The following RNF14 variants were observed in gnomAD, a reference collection of about 807,000 sequenced individuals.
RNF14 encodes ring finger protein 14, also known as E3 ubiquitin-protein ligase RNF14.
RNF14 carries 26 observed loss-of-function variants against 52.6 expected under a neutral mutation model. The observed-to-expected ratio is 0.49, with a 90% confidence interval of 0.36 to 0.69. The LOEUF (loss-of-function observed/expected upper bound fraction) is 0.69. RNF14 is among the 30% of genes least tolerant of loss of function. The pLI, the probability that RNF14 is intolerant of heterozygous loss-of-function variation, is 0.00. For missense variants in RNF14, 404 were observed against 560.4 expected (o/e 0.72, Z 2.82); for synonymous variants, 194 against 202.0 (o/e 0.96, Z 0.34).
At chr5:141,961,587 G>C (rs1753275768) in intron 1 of RNF14, among the ~76,000 whole-genome samples, 1 of 152,156 alleles carries the variant, frequency 6.6e-6, no homozygotes, top group African/African-American at 2.4e-5. Context: ...CTCTGAAATA[G>C]GTTTGAAACA....
At position 141,983,476 on chromosome 5, in the gene RNF14, C is replaced by T. The variant is rs1211845327; in HGVS notation, c.1160C>T (p.Ala387Val). ...QRYGKRVIQK[A>V]LEEMESKEWL... ...TATGGTAAGAGAGTGATTCAGAAGG[C>T]ACTGGAAGAGATGGAAAGTAAGGAG... The change falls in exon 7 of 9, where the codon GCA (alanine) becomes GTA (valine). Residue 387 changes from alanine to valine, a missense_variant. Physicochemically the swap from Ala to Val is moderately conservative, Grantham distance 64. Transcript: ENST00000394520. 3 of 1,613,390 alleles carry T rather than the reference C, an allele frequency of 1.9e-6. No individual in the cohort carries two copies. Among genetic ancestry groups the T allele is most frequent in the Non-Finnish European group, 2.5e-6 (3 of 1,179,918 alleles).
intron 4 of RNF14, among the ~76,000 whole-genome samples, chr5:141,976,063 A>G (rs1317092334): frequency 6.6e-6 from 1 of 152,240 alleles, no homozygotes; most frequent in Non-Finnish European, 1.5e-5. Flanking sequence ...GAGTACTTTC[A>G]CAAACTAGAG....
upstream of RNF14, chr5:141,955,055 G>A (rs755272537): frequency 7.4e-6 from 12 of 1,614,112 alleles, no homozygotes; most frequent in Non-Finnish European, 9.3e-6. The surrounding 1 kb of genome is among the most constrained non-coding windows in gnomAD (Gnocchi z 5.5). Flanking sequence ...ACCAGGCTCC[G>A]CAGGATCTGA....
upstream of RNF14, among the ~76,000 whole-genome samples, chr5:141,967,617 A>G (rs1237366979): frequency 6.6e-6 from 1 of 152,178 alleles, no homozygotes; most frequent in Non-Finnish European, 1.5e-5. Flanking sequence ...CCGGGAGGCA[A>G]TGGTGGTAAA....
chr5:141,981,862 AAAG>A (rs1265353319), intron 6 of RNF14, among the ~76,000 whole-genome samples: 2 of 151,856 alleles, frequency 1.3e-5, no homozygotes, highest in Non-Finnish European at 1.5e-5. Context: ...AAAAAAAAAA[AAAG>A]AGGAAAAAGA....
Position 141,989,357 on chromosome 5 carries a change from A to G in RNF14, c.*1567A>G, listed in dbSNP as rs771189729. 6.6e-6 allele frequency: 1 copy of G among 152,238 alleles called. No individual in the cohort carries two copies. The highest frequency in any genetic ancestry group is 1.5e-5 in the Non-Finnish European group (1 of 68,042). The allele number at this position is 152,238 out of a possible 1,614,324, so 9.4% of individuals were successfully genotyped here. A position where few individuals can be genotyped will look rare whatever the true frequency, so the allele number is the denominator to read the frequency against. Reference sequence around the variant, plus strand: ...TTAGGGCCCATATTTTGTTTAAACCAGATAGTTTCATGGTCTTCCATTCAG... The same window carrying G: ...TTAGGGCCCATATTTTGTTTAAACCGGATAGTTTCATGGTCTTCCATTCAG... On this transcript the variant is annotated 3_prime_UTR_variant, in exon 9 of 9. Coordinates refer to ENST00000394520, the MANE Select transcript of RNF14 (RefSeq NM_004290.5).
chr5:141,974,744 C>T, intron 3 of RNF14, 60 bp from the exon 4 acceptor site: 1 of 1,530,352 alleles, frequency 6.5e-7, no homozygotes, highest in African/African-American at 1.4e-5. Flanking sequence ...CGCTGCTCAA[C>T]AGTAGTGGAC....
the RNF14 span, among the ~76,000 whole-genome samples, chr5:141,950,648 C>T: frequency 6.6e-6 from 1 of 152,122 alleles, no homozygotes; most frequent in Non-Finnish European, 1.5e-5. Context: ...AGTGTGTGGA[C>T]TCACCCCTGC....
intron 1 of RNF14, among the ~76,000 whole-genome samples, chr5:141,960,787 G>C (rs912740044): frequency 1.3e-5 from 2 of 152,158 alleles, no homozygotes; most frequent in Non-Finnish European, 2.9e-5. Context: ...CCTCCAGAAA[G>C]GCCTTTTGGC....
chr5:141,976,749 A>G lies in RNF14; in HGVS notation c.307-1554A>G, dbSNP rs184300746. On this transcript the variant is annotated intron_variant, in intron 4 of 8. Transcript: ENST00000394520. ...TCTCTTTCCCGTCCCCCTTCCATTT[A>G]CATGCATTCCAGCTGCCTTTCTCTC... Among the ~76,000 whole-genome samples the G allele has an allele frequency of 3.0e-3, 430 of 143,892 alleles. 2 individuals carry two copies. The highest frequency in any genetic ancestry group is 6.3e-3 in the Admixed American group (92 of 14,512). 94.4% of individuals were successfully genotyped at this position (143,892 alleles called of 152,430 possible). A position where few individuals can be genotyped will look rare whatever the true frequency, so the allele number is the denominator to read the frequency against.
rs1328054046 is a variant in RNF14, at chr5:141,972,305, C to T, written c.-6-1278C>T. ...AGTGCAGTGGTGCTATCATGGCTCA[C>T]TGCAGCCTCGACCTCCCAGGCTCAA... On this transcript the variant is annotated intron_variant, in intron 2 of 8. Coordinates refer to ENST00000394520, the MANE Select transcript of RNF14 (RefSeq NM_004290.5). 1.3e-5 allele frequency among the ~76,000 whole-genome samples: 2 copies of T among 151,826 alleles called. 1 individual carries two copies. The highest frequency in any genetic ancestry group is 6.3e-3 in the Middle Eastern group (2 of 316).
At chr5:141,983,737 C>T (rs1754988099) in intron 7 of RNF14, among the ~76,000 whole-genome samples, 185 bp downstream of exon 7, 1 of 152,140 alleles carries the variant, frequency 6.6e-6, no homozygotes, top group African/African-American at 2.4e-5. Context: ...TTGTAGACTT[C>T]CCTTTTCAAA....
upstream of RNF14, chr5:141,957,997 T>C (rs1053113285): frequency 1.1e-6 from 1 of 919,368 alleles, no homozygotes; most frequent in Non-Finnish European, 1.6e-6. This position sits in a 1 kb window ranked among gnomAD's most constrained non-coding sequence, Gnocchi z 4.3. Flanking sequence ...AGTTAGATGA[T>C]TATGAAACAA....
chr5:141,982,235 T>C (rs534145306), intron 6 of RNF14, among the ~76,000 whole-genome samples: 2 of 152,180 alleles, frequency 1.3e-5, no homozygotes, highest in Non-Finnish European at 1.5e-5. Context: ...TTTATTATTT[T>C]GGGAAGACTA....
upstream of RNF14, chr5:141,957,449 A>T: frequency 6.2e-7 from 1 of 1,612,510 alleles, no homozygotes; most frequent in Non-Finnish European, 8.5e-7. This position sits in a 1 kb window ranked among gnomAD's most constrained non-coding sequence, Gnocchi z 4.3. Context: ...CCTTTGGGAA[A>T]CCGTGGCTGG....
chr5:141,957,556 C>T (rs151047883), upstream of RNF14: 124 of 1,614,200 alleles, frequency 7.7e-5, 1 homozygote, highest in South Asian at 8.5e-4. The surrounding 1 kb of genome is among the most constrained non-coding windows in gnomAD (Gnocchi z 4.3). Context: ...ATCCCACTGT[C>T]GGCACAGCTG....
At chr5:141,980,386 C>T (rs751696146) in intron 6 of RNF14, 35 bp downstream of exon 6, 2 of 1,481,944 alleles carry the variant, frequency 1.3e-6, no homozygotes, top group South Asian at 2.3e-5. Flanking sequence ...CCCCCATCCC[C>T]AGTCTCTCCC....
At chr5:141,987,586 A>G in intron 8 of RNF14, 147 bp from the exon 9 acceptor site, 1 of 736,630 alleles carries the variant, frequency 1.4e-6, no homozygotes, top group Non-Finnish European at 2.3e-6. Flanking sequence ...AGGGACCCAT[A>G]TTTCAGCCCT....
upstream of RNF14, chr5:141,955,214 G>C (rs751543859): frequency 6.2e-7 from 1 of 1,614,244 alleles, no homozygotes; most frequent in Non-Finnish European, 8.5e-7. The surrounding 1 kb of genome is among the most constrained non-coding windows in gnomAD (Gnocchi z 5.5). Context: ...GCAACCTTCA[G>C]AGGCCTGGAA....
Sources: allele counts gnomAD v4.1 joint callset (sites outside exome capture counted in the v4.1 genomes callset), GRCh38; gene constraint gnomAD v4.1.1; non-coding constraint Gnocchi (gnomAD v3.1); transcripts MANE v1.5; gene names NCBI Gene and HGNC (gene_info 2026-07-23, HGNC 2026-07-21).